The following THSD4 variants were observed in gnomAD, a reference collection of about 807,000 sequenced individuals.
THSD4 encodes thrombospondin type-1 domain-containing protein 4.
THSD4 carries 69 observed loss-of-function variants against 119.0 expected under a neutral mutation model. The observed-to-expected ratio is 0.58, with a 90% CI of 0.48 to 0.71. The LOEUF is 0.71. Among genes scored for constraint, THSD4 ranks in the 30% least tolerant of loss-of-function variants. The pLI is 0.00. For missense variants in THSD4, 1,393 were observed against 1,391.1 expected, an observed-to-expected ratio of 1.00 and a Z score of -0.02; for synonymous variants, 524 against 540.4, an observed-to-expected ratio of 0.97 and a Z score of 0.42.
At chr15:71,433,219 A>T (rs936906379) in intron 7 of THSD4, among the ~76,000 whole-genome samples, 2 of 151,370 alleles carry the variant, frequency 1.3e-5, no homozygotes, top group African/African-American at 4.8e-5. Context: ...ATGTTTAATA[A>T]TTAATGTTTT....
chr15:71,325,384 C>T (rs1156572135), intron 6 of THSD4, among the ~76,000 whole-genome samples: 2 of 152,180 alleles, frequency 1.3e-5, no homozygotes, highest in African/African-American at 4.8e-5. Context: ...CCAGTGCCAA[C>T]CAGTCCTGAA....
intron 14 of THSD4, 137 bp downstream of exon 14, chr15:71,748,731 A>C: frequency 2.7e-6 from 3 of 1,118,382 alleles, no homozygotes; most frequent in Non-Finnish European, 3.7e-6. Context: ...CCAGAGAGGA[A>C]TTATCGTAGG....
intron 6 of THSD4, among the ~76,000 whole-genome samples, chr15:71,264,849 G>A (rs538634897): frequency 6.6e-6 from 1 of 152,216 alleles, no homozygotes; most frequent in Admixed American, 6.5e-5. Context: ...AAAGCTTATT[G>A]TGGTTTATAA....
chr15:71,329,460 C>T (rs964329534), intron 6 of THSD4, among the ~76,000 whole-genome samples: 4 of 152,156 alleles, frequency 2.6e-5, no homozygotes, highest in Non-Finnish European at 2.9e-5. Flanking sequence ...TTTAGGGAAA[C>T]CTGCTTAGAA....
intron 6 of THSD4, among the ~76,000 whole-genome samples, chr15:71,398,951 C>T (rs1341806037): frequency 2.6e-5 from 4 of 151,858 alleles, no homozygotes; most frequent in Non-Finnish European, 4.4e-5. Flanking sequence ...GCAGAAAGTC[C>T]CCAGGCCCCC....
In THSD4 at chr15:71,737,603, A is replaced by T. The variant is rs75279592; in HGVS notation, c.1631-129A>T. On this transcript the variant is annotated intron_variant, in intron 10 of 17. Coordinates refer to ENST00000261862, the MANE Select transcript of THSD4 (RefSeq NM_024817.3). ...GTAGGTGTCTGCTTATTTTAAACAG[A>T]TGTGCTTATGTGCTGTGACTTAGAA... The T allele has an allele frequency of 9.5e-4, 1,214 of 1,283,470 alleles. 11 individuals carry two copies. The South Asian group carries it at 1.0e-2, about 11-fold the overall frequency. The allele number at this position is 1,283,470 out of a possible 1,614,324, so 79.5% of individuals were successfully genotyped here. A position where few individuals can be genotyped will look rare whatever the true frequency, so the allele number is the denominator to read the frequency against.
chr15:71,770,346 TAAAAAAA>T (rs71131707), intron 16 of THSD4, among the ~76,000 whole-genome samples: 8 of 127,472 alleles, frequency 6.3e-5, no homozygotes, highest in East Asian at 4.7e-4. Flanking sequence ...ATATGTCCTT[TAAAAAAA>T]AAAAAAAAAA....
chr15:71,509,542 G>GC (rs549411531), intron 7 of THSD4, among the ~76,000 whole-genome samples: 51 of 152,316 alleles, frequency 3.3e-4, no homozygotes, highest in African/African-American at 1.2e-3. Context: ...TAGATGAGCA[G>GC]CAAGGGCATT....
intron 9 of THSD4, chr15:71,729,155 G>A (rs534444620): frequency 4.6e-5 from 8 of 172,282 alleles, no homozygotes; most frequent in Admixed American, 2.2e-4. Flanking sequence ...TTCAGACTCT[G>A]AGAGCAAATG....
chr15:71,653,352 G>A (rs1316683201), intron 7 of THSD4, among the ~76,000 whole-genome samples: 1 of 152,162 alleles, frequency 6.6e-6, no homozygotes, highest in Non-Finnish European at 1.5e-5. Flanking sequence ...AAGCTTTCTG[G>A]GGAATCTGTC....
intron 7 of THSD4, among the ~76,000 whole-genome samples, chr15:71,496,225 A>G (rs1156340482): frequency 6.6e-6 from 1 of 152,210 alleles, no homozygotes; most frequent in Non-Finnish European, 1.5e-5. Context: ...TTTGCATGCT[A>G]ATGTTTCTTC....
chr15:71,156,368 C>T (rs1447804893), intron 3 of THSD4, among the ~76,000 whole-genome samples: 1 of 151,640 alleles, frequency 6.6e-6, no homozygotes, highest in East Asian at 1.9e-4. Context: ...AGTGATTCTT[C>T]TGCCTCATCC....
chr15:71,558,751 G>C (rs1397058692), intron 7 of THSD4, among the ~76,000 whole-genome samples: 2 of 152,082 alleles, frequency 1.3e-5, no homozygotes, highest in African/African-American at 4.8e-5. Flanking sequence ...GATTACACAC[G>C]TGAGCCACTG....
chr15:71,242,858 A>T lies in THSD4; in HGVS notation c.674A>T (p.Tyr225Phe). 6.2e-7 allele frequency: 1 copy of T among 1,614,170 alleles called. No individual in the cohort carries two copies. The highest frequency in any genetic ancestry group is 8.5e-7 in the Non-Finnish European group (1 of 1,180,022). ...CAGGTCCCCCAACATGGGCCTTTGT[A>T]CCAAAGTGACAGTGGCCCTCGCTCT... ...AHQVPQHGPL[Y>F]QSDSGPRSGL... The change falls in exon 5 of 18, where the codon TAC (tyrosine) becomes TTC (phenylalanine). Residue 225 changes from tyrosine (Y) to phenylalanine (F), a missense_variant. Tyr to Phe is a conservative substitution (Grantham distance 22). Coordinates refer to ENST00000261862, the MANE Select transcript of THSD4 (RefSeq NM_024817.3).
intron 1 of THSD4, among the ~76,000 whole-genome samples, chr15:71,126,051 G>A (rs1363456012): frequency 3.3e-5 from 5 of 152,186 alleles, no homozygotes; most frequent in Non-Finnish European, 7.3e-5. Flanking sequence ...GTTTAGAAGC[G>A]AGTGGTCTTG....
intron 8 of THSD4, among the ~76,000 whole-genome samples, chr15:71,703,322 T>G (rs2052329299): frequency 1.3e-5 from 2 of 152,220 alleles, no homozygotes; most frequent in South Asian, 4.1e-4. Flanking sequence ...CCCAGAAATC[T>G]CTATTATTAT....
At chr15:71,258,784 C>T (rs1369937171) in intron 6 of THSD4, among the ~76,000 whole-genome samples, 2 of 152,058 alleles carry the variant, frequency 1.3e-5, no homozygotes, top group African/African-American at 4.8e-5. Context: ...AGAGTCATTG[C>T]AGATGTAATC....
chr15:71,643,000 G>T (rs2050895023), intron 7 of THSD4, among the ~76,000 whole-genome samples: 1 of 151,956 alleles, frequency 6.6e-6, no homozygotes, highest in Admixed American at 6.6e-5. Context: ...GGAATGCCTG[G>T]GTTACATTCC....
chr15:71,542,320 C>T (rs573301395), intron 7 of THSD4, among the ~76,000 whole-genome samples: 1 of 152,224 alleles, frequency 6.6e-6, no homozygotes, highest in African/African-American at 2.4e-5. Flanking sequence ...TGATACTCCC[C>T]CTCCAGGAAG....
Sources: allele counts gnomAD v4.1 joint callset (sites outside exome capture counted in the v4.1 genomes callset), GRCh38; gene constraint gnomAD v4.1.1; transcripts MANE v1.5; gene names NCBI Gene and HGNC (gene_info 2026-07-23, HGNC 2026-07-21).